Variants in CSMD1 observed in about 807,000 individuals in gnomAD.
CSMD1 encodes CUB and sushi domain-containing protein 1.
A neutral mutation model predicts 417.5 loss-of-function variants in CSMD1; 213 were observed. That is an observed-to-expected ratio of 0.51 (90% CI 0.46 to 0.57). The LOEUF (loss-of-function observed/expected upper bound fraction) is 0.57, where lower values mean the gene tolerates loss of function less well. Among genes scored for constraint, CSMD1 ranks in the 20% least tolerant of loss-of-function variants. CSMD1 has a pLI of 0.00. For synonymous variants in CSMD1, 2,862 were observed against 1,736.8 expected, an observed-to-expected ratio of 1.65 and a Z score of -16.11; for missense variants, 6,923 against 4,529.7, an observed-to-expected ratio of 1.53 and a Z score of -15.17.
At chr8:4,300,596 C>T (rs1463445527) in intron 3 of CSMD1, among the ~76,000 whole-genome samples, 1 of 152,104 alleles carries the variant, frequency 6.6e-6, no homozygotes, top group Non-Finnish European at 1.5e-5. Context: ...GGGTTTGTTT[C>T]ATATGTATAC....
chr8:3,013,897 G>A (rs1256557230), intron 52 of CSMD1, among the ~76,000 whole-genome samples: 1 of 152,120 alleles, frequency 6.6e-6, no homozygotes, highest in Non-Finnish European at 1.5e-5. Context: ...GGCGAACAGA[G>A]GATGGGAAGA....
intron 3 of CSMD1, among the ~76,000 whole-genome samples, chr8:4,154,772 A>T (rs1394160245): frequency 3.9e-5 from 6 of 152,076 alleles, no homozygotes; most frequent in Non-Finnish European, 8.8e-5. Context: ...TATGAATATC[A>T]CTGATCACAG....
chr8:4,627,262 G>C (rs942510894), intron 2 of CSMD1, among the ~76,000 whole-genome samples: 1 of 152,082 alleles, frequency 6.6e-6, no homozygotes, highest in South Asian at 2.1e-4. Context: ...ATGGGGGAAA[G>C]AAGAAAAAGT....
chr8:4,382,808 T>G (rs1803190998), intron 3 of CSMD1, among the ~76,000 whole-genome samples: 1 of 152,210 alleles, frequency 6.6e-6, no homozygotes, highest in South Asian at 2.1e-4. Flanking sequence ...GTCAGATGCA[T>G]TAAACCAATA....
chr8:4,051,871 T>TG, intron 3 of CSMD1, among the ~76,000 whole-genome samples: 1 of 39,002 alleles, frequency 2.6e-5, no homozygotes, highest in African/African-American at 8.3e-5. Flanking sequence ...TTTCTTTCCT[T>TG]CCTCCTTTCT....
chr8:4,122,707 T>G (rs936715077), intron 3 of CSMD1, among the ~76,000 whole-genome samples: 10 of 152,286 alleles, frequency 6.6e-5, no homozygotes, highest in African/African-American at 2.2e-4. Context: ...CTAAATGCTG[T>G]AACCCAGGAT....
At chr8:4,041,039 C>G (rs11775491) in intron 3 of CSMD1, among the ~76,000 whole-genome samples, 12 of 114,288 alleles carry the variant, frequency 1.0e-4, no homozygotes, top group African/African-American at 1.4e-4. Context: ...TTTTTTGAGA[C>G]GGAGTCTCGC....
At chr8:3,900,765 G>C (rs929792816) in intron 5 of CSMD1, among the ~76,000 whole-genome samples, 1 of 151,622 alleles carries the variant, frequency 6.6e-6, no homozygotes, top group Non-Finnish European at 1.5e-5. Context: ...TGACAGTACA[G>C]CTGGGTGACA....
rs71205423 is a variant in CSMD1, at chr8:4,146,594, A to ATTTTT, written c.416-114500_416-114496dup. Among the ~76,000 whole-genome samples the ATTTTT allele has an allele frequency of 1.1e-3, 68 of 64,198 alleles. 2 individuals carry two copies. Among genetic ancestry groups the ATTTTT allele is most frequent in the Non-Finnish European group, 1.2e-3 (47 of 38,514 alleles). The allele number at this position is 64,198 out of a possible 152,430, so 42.1% of individuals were successfully genotyped here. Reference sequence around the variant, plus strand: ...TCTGTCTAAATGTTTATATGGACACATTTTTTTTTTTTTTTTTTTTTTTTT... The same window carrying ATTTTT: ...TCTGTCTAAATGTTTATATGGACACATTTTTTTTTTTTTTTTTTTTTTTTTTTTTT... On this transcript the variant is annotated intron_variant, in intron 3 of 69. Coordinates refer to ENST00000635120, the MANE Select transcript of CSMD1 (RefSeq NM_033225.6).
At chr8:3,125,858 C>G (rs7830055) in intron 41 of CSMD1, among the ~76,000 whole-genome samples, 1 of 151,944 alleles carries the variant, frequency 6.6e-6, no homozygotes, top group Non-Finnish European at 1.5e-5. Context: ...ATGCCTGTAA[C>G]CCCAGCTACT....
chr8:3,728,707 G>A (rs1563317191), intron 6 of CSMD1, among the ~76,000 whole-genome samples: 1 of 152,126 alleles, frequency 6.6e-6, no homozygotes, highest in Non-Finnish European at 1.5e-5. Context: ...TCTTGCAAAT[G>A]ATGCAAGTTA....
At chr8:4,005,666 G>C (rs763929735) in intron 4 of CSMD1, among the ~76,000 whole-genome samples, 1 of 152,170 alleles carries the variant, frequency 6.6e-6, no homozygotes, top group African/African-American at 2.4e-5. Flanking sequence ...TATATTTGGT[G>C]CTTTCTTCCC....
intron 23 of CSMD1, among the ~76,000 whole-genome samples, chr8:3,320,389 C>A (rs4875610): frequency 0.41 from 62,661 of 151,858 alleles, 13,095 homozygotes; most frequent in South Asian, 0.52. Context: ...CATGCTGTAG[C>A]GATTTTTACA....
intron 12 of CSMD1, among the ~76,000 whole-genome samples, chr8:3,451,873 G>A (rs1054916023): frequency 1.1e-4 from 17 of 152,090 alleles, no homozygotes; most frequent in African/African-American, 4.8e-5. Flanking sequence ...GTAGCTTGAT[G>A]GGGATGGCAT....
At chr8:3,014,289 G>A (rs984936132) in intron 52 of CSMD1, among the ~76,000 whole-genome samples, 10 of 152,070 alleles carry the variant, frequency 6.6e-5, no homozygotes, top group African/African-American at 2.4e-4. Flanking sequence ...ATGGTGTCTT[G>A]GAAACTATAT....
intron 3 of CSMD1, among the ~76,000 whole-genome samples, chr8:4,337,572 T>C (rs903490722): frequency 3.9e-5 from 6 of 152,194 alleles, no homozygotes; most frequent in African/African-American, 1.4e-4. Context: ...ATGTGAGGCA[T>C]ATCAATTCTT....
At chr8:3,844,971 G>A (rs776890599) in intron 5 of CSMD1, among the ~76,000 whole-genome samples, 1 of 152,174 alleles carries the variant, frequency 6.6e-6, no homozygotes, top group South Asian at 2.1e-4. Context: ...TTTTAAAGAT[G>A]TGATATGCAG....
At chr8:4,830,123 G>T (rs912062141) in intron 1 of CSMD1, among the ~76,000 whole-genome samples, 7 of 152,128 alleles carry the variant, frequency 4.6e-5, no homozygotes, top group Non-Finnish European at 1.5e-5. Flanking sequence ...ACTCAGTTCT[G>T]CAAAGGCCCT....
chr8:3,722,952 C>T (rs1051812813), intron 6 of CSMD1, among the ~76,000 whole-genome samples: 10 of 152,136 alleles, frequency 6.6e-5, no homozygotes, highest in African/African-American at 2.4e-4. Flanking sequence ...TAAATTACTA[C>T]CAACTTAAGA....
Sources: allele counts gnomAD v4.1 joint callset (sites outside exome capture counted in the v4.1 genomes callset), GRCh38; gene constraint gnomAD v4.1.1; transcripts MANE v1.5; gene names NCBI Gene and HGNC (gene_info 2026-07-23, HGNC 2026-07-21).